The following GRM5 variants were observed in gnomAD, a reference collection of about 807,000 sequenced individuals.
GRM5 encodes the protein glutamate metabotropic receptor 5, also known as metabotropic glutamate receptor 5.
GRM5 carries 19 observed loss-of-function variants against 83.1 expected under a neutral mutation model. The observed-to-expected ratio is 0.23, with a 90% CI of 0.16 to 0.34. The LOEUF (loss-of-function observed/expected upper bound fraction) is 0.34, where lower values mean the gene tolerates loss of function less well. Among genes scored for constraint, GRM5 ranks in the 10% least tolerant of loss-of-function variants. GRM5 has a pLI of 1.00. For missense variants in GRM5, 1,160 were observed against 1,588.3 expected (o/e 0.73, Z 4.58); for synonymous variants, 675 against 633.6 (o/e 1.07, Z -0.98).
chr11:88,744,776 A>G (rs1198363594), intron 3 of GRM5, among the ~76,000 whole-genome samples: 2 of 152,160 alleles, frequency 1.3e-5, no homozygotes, highest in Admixed American at 1.3e-4. Flanking sequence ...TAACAACTCT[A>G]TCAGAAGTAC....
At chr11:88,513,148 A>T (rs1276435229) in intron 9 of GRM5, among the ~76,000 whole-genome samples, 1 of 152,006 alleles carries the variant, frequency 6.6e-6, no homozygotes. Context: ...AGCTTTCCTG[A>T]CCCTGCTAGG....
At position 88,750,514 on chromosome 11, in the gene GRM5, A is replaced by G. The variant is rs369271084; in HGVS notation, c.912-97111T>C. Among the ~76,000 whole-genome samples the G allele has an allele frequency of 3.6e-4, 55 of 152,218 alleles. 1 individual carries two copies. Among genetic ancestry groups the G allele is most frequent in the African/African-American group, 1.3e-3 (55 of 41,562 alleles). On this transcript the variant is annotated intron_variant, in intron 3 of 9. Coordinates refer to ENST00000305447, the MANE Select transcript of GRM5 (RefSeq NM_001143831.3). ...GGGAAACTTTAACATTCCACTGACA[A>G]TATTAGATCATTGGGATAGAAAATT... is the stretch of plus-strand genomic sequence containing the variant.
chr11:88,629,837 G>A (rs897171081), intron 4 of GRM5, among the ~76,000 whole-genome samples: 1 of 152,160 alleles, frequency 6.6e-6, no homozygotes, highest in African/African-American at 2.4e-5. Context: ...TCCTGTCTTT[G>A]TCTAAGTCCT....
intron 6 of GRM5, among the ~76,000 whole-genome samples, chr11:88,591,682 A>G (rs1937642867): frequency 6.6e-6 from 1 of 152,190 alleles, no homozygotes; most frequent in Non-Finnish European, 1.5e-5. Context: ...AGCCAAATAT[A>G]ATTGTAAGCT....
intron 3 of GRM5, among the ~76,000 whole-genome samples, chr11:88,772,693 T>C (rs1383763140): frequency 4.6e-5 from 7 of 152,054 alleles, no homozygotes; most frequent in Non-Finnish European, 2.9e-5. Context: ...AGTGAGAACA[T>C]GCGGTGTTTG....
chr11:88,976,071 C>T (rs1323549941), intron 2 of GRM5, among the ~76,000 whole-genome samples: 1 of 152,080 alleles, frequency 6.6e-6, no homozygotes, highest in Non-Finnish European at 1.5e-5. Context: ...ATGTTGGTTC[C>T]ACCTATTTGA....
intron 4 of GRM5, among the ~76,000 whole-genome samples, chr11:88,614,030 C>T (rs569299325): frequency 6.6e-6 from 1 of 152,296 alleles, no homozygotes; most frequent in South Asian, 2.1e-4. Context: ...TGAGGCCACA[C>T]TTATGTGCTT....
At chr11:88,888,835 C>T (rs1242071390) in intron 2 of GRM5, among the ~76,000 whole-genome samples, 1 of 152,124 alleles carries the variant, frequency 6.6e-6, no homozygotes, top group Non-Finnish European at 1.5e-5. Flanking sequence ...GGTTAGGATG[C>T]AGACCCAGGA....
chr11:88,624,697 T>G (rs67044775), intron 4 of GRM5, among the ~76,000 whole-genome samples: 9,029 of 152,240 alleles, frequency 0.059, 312 homozygotes, highest in East Asian at 0.18. Flanking sequence ...AATAAAAATT[T>G]AAAAATTCAG....
At chr11:88,842,100 T>C (rs1214910529) in intron 3 of GRM5, among the ~76,000 whole-genome samples, 1 of 152,218 alleles carries the variant, frequency 6.6e-6, no homozygotes, top group Non-Finnish European at 1.5e-5. Flanking sequence ...AAAGTTTTGA[T>C]AAATTTTAAC....
At chr11:88,734,634 C>T (rs1048547335) in intron 3 of GRM5, among the ~76,000 whole-genome samples, 1 of 151,956 alleles carries the variant, frequency 6.6e-6, no homozygotes, top group African/African-American at 2.4e-5. Context: ...AGTAAATTCT[C>T]TTGGTTACAG....
chr11:88,777,914 G>A (rs904699409), intron 3 of GRM5, among the ~76,000 whole-genome samples: 3 of 152,160 alleles, frequency 2.0e-5, no homozygotes, highest in Admixed American at 6.5e-5. Context: ...CAGGGGTCAG[G>A]GACCCACTTA....
chr11:88,787,119 ATATATGATATGATGTGTG>A (rs1943085990), intron 3 of GRM5, among the ~76,000 whole-genome samples: 1 of 141,298 alleles, frequency 7.1e-6, no homozygotes, highest in African/African-American at 2.6e-5. Flanking sequence ...TAAAAATATG[ATATATGATATGATGTGTG>A]TGTGTGTGTG....
chr11:89,018,499 G>A (rs549864955), intron 2 of GRM5, among the ~76,000 whole-genome samples: 2 of 152,084 alleles, frequency 1.3e-5, no homozygotes, highest in African/African-American at 2.4e-5. Context: ...TTCTAACATT[G>A]ATTTATTCAA....
intron 3 of GRM5, among the ~76,000 whole-genome samples, chr11:88,673,289 G>A (rs1940237835): frequency 6.6e-6 from 1 of 151,848 alleles, no homozygotes; most frequent in South Asian, 2.1e-4. Flanking sequence ...AGGACAAAGA[G>A]GCAGGGTTTT....
intron 9 of GRM5, among the ~76,000 whole-genome samples, chr11:88,511,533 T>C (rs1941369158): frequency 6.6e-6 from 1 of 152,238 alleles, no homozygotes; most frequent in African/African-American, 2.4e-5. Context: ...TATTGTAGTC[T>C]CATGTCCTTC....
chr11:88,975,743 C>G (rs1370973386), intron 2 of GRM5, among the ~76,000 whole-genome samples: 6 of 152,146 alleles, frequency 3.9e-5, no homozygotes, highest in African/African-American at 1.2e-4. Flanking sequence ...TATTATATAA[C>G]ATGTTGTTTC....
At chr11:88,872,455 T>A (rs1425507839) in intron 2 of GRM5, among the ~76,000 whole-genome samples, 1 of 151,534 alleles carries the variant, frequency 6.6e-6, no homozygotes, top group African/African-American at 2.4e-5. Flanking sequence ...TTTTTATATA[T>A]TAGCTATTAT....
intron 3 of GRM5, among the ~76,000 whole-genome samples, chr11:88,684,367 A>C (rs1940568333): frequency 6.6e-6 from 1 of 152,194 alleles, no homozygotes; most frequent in South Asian, 2.1e-4. Flanking sequence ...TCTAAAATGA[A>C]ATTAGAGGAT....
Sources: allele counts gnomAD v4.1 joint callset (sites outside exome capture counted in the v4.1 genomes callset), GRCh38; gene constraint gnomAD v4.1.1; transcripts MANE v1.5; gene names NCBI Gene and HGNC (gene_info 2026-07-23, HGNC 2026-07-21).